Variants in POLR3A observed in about 807,000 individuals in gnomAD.
POLR3A encodes the protein RNA polymerase III subunit A, also known as DNA-directed RNA polymerase III subunit RPC1.
POLR3A carries 112 observed loss-of-function variants against 152.8 expected under a neutral mutation model. The ratio of observed to expected loss-of-function variants is 0.73; its 90% confidence interval spans 0.63 to 0.86. The LOEUF (loss-of-function observed/expected upper bound fraction) is 0.86. POLR3A is among the 40% of genes least tolerant of loss of function. The pLI is 0.00. For synonymous variants in POLR3A, 615 were observed against 652.1 expected, an observed-to-expected ratio of 0.94 and a Z score of 0.87; for missense variants, 1,385 against 1,743.1, an observed-to-expected ratio of 0.79 and a Z score of 3.66.
At position 78,021,648 on chromosome 10, in the gene POLR3A, C is replaced by T. The variant is rs747187384; in HGVS notation, c.1083G>A (p.Val361=). The change falls in exon 8 of 31, where the codon GTG becomes GTA. Residue 361 remains valine (V), a synonymous_variant. Transcript: ENST00000372371. ...RFRGNLSGKR[V]DFSGRTVISP... is the part of the protein sequence containing the mutation. ...AGATGACTGTTCTGCCAGAAAAATCCACTCTCTTTCCTGAGAGATTTCCTC... is the reference window on the plus strand; with the variant it reads ...AGATGACTGTTCTGCCAGAAAAATCTACTCTCTTTCCTGAGAGATTTCCTC... 1 of 1,614,034 alleles carries T rather than the reference C, an allele frequency of 6.2e-7. No individual in the cohort carries two copies. Among genetic ancestry groups the T allele is most frequent in the Non-Finnish European group, 8.5e-7 (1 of 1,179,966 alleles).
chr10:78,010,414 C>G, intron 12 of POLR3A, 57 bp downstream of exon 12: 9 of 1,261,814 alleles, frequency 7.1e-6, no homozygotes, highest in Non-Finnish European at 9.3e-6. Context: ...TCACTATGAA[C>G]GAGGAACACT....
chr10:77,998,203 G>A (rs1187138022), intron 19 of POLR3A, among the ~76,000 whole-genome samples: 1 of 152,160 alleles, frequency 6.6e-6, no homozygotes, highest in African/African-American at 2.4e-5. Context: ...AAAAACCATA[G>A]AAGAAAACCT....
chr10:77,978,668 T>C (rs1423200615), intron 30 of POLR3A, among the ~76,000 whole-genome samples: 4 of 151,180 alleles, frequency 2.6e-5, no homozygotes, highest in Non-Finnish European at 5.9e-5. Flanking sequence ...TAGTTTTTTT[T>C]TTTTTTTTTT....
chr10:78,020,490 T>C (rs893672939), intron 8 of POLR3A, among the ~76,000 whole-genome samples: 2 of 142,106 alleles, frequency 1.4e-5, no homozygotes, highest in African/African-American at 5.3e-5. Flanking sequence ...AGTCTGTCTC[T>C]TAAAAAAAAA....
chr10:77,995,542 C>T (rs1357663821), intron 19 of POLR3A, among the ~76,000 whole-genome samples: 1 of 151,926 alleles, frequency 6.6e-6, no homozygotes, highest in African/African-American at 2.4e-5. Context: ...TTTAAACCAA[C>T]AAAGATCAAA....
intron 19 of POLR3A, among the ~76,000 whole-genome samples, chr10:77,994,825 T>C (rs1218477097): frequency 6.6e-6 from 1 of 151,936 alleles, no homozygotes; most frequent in African/African-American, 2.4e-5. Flanking sequence ...ACAAAGATAC[T>C]CCTCGAGAAG....
Position 78,002,226 on chromosome 10 carries a change from GGGCTGTT to G in POLR3A, c.2323_2329del (p.Asn775ProfsTer19), listed in dbSNP as rs1847364209. ...GGAGCCGCACAGAGCCATGGTGAGG[GGGCTGTT>G]GCTCTTGTCCAGCTCCCGGAGGCAG... On this transcript the variant is annotated frameshift_variant, in exon 17 of 31. Coordinates refer to ENST00000372371, the MANE Select transcript of POLR3A (RefSeq NM_007055.4). LOFTEE classifies it high-confidence loss of function. The G allele has an allele frequency of 4.4e-6, 7 of 1,597,842 alleles. No homozygotes were observed. The highest frequency in any genetic ancestry group is 6.0e-6 in the Non-Finnish European group (7 of 1,172,846).
rs1404091496 is a variant in POLR3A, at chr10:77,977,579, C to T, written c.4072G>A (p.Gly1358Arg). Residue 1358 changes from glycine to arginine, a missense_variant, in exon 31 of 31, where the codon GGG becomes AGG. By Grantham distance (125) the Gly-to-Arg change is moderately radical. Transcript: ENST00000372371. ...GCCTTGTGAAGCAGCTTGAAGAGCC[C>T]GGTTCCAATGTTCATTGGGATTCCC... Reference protein sequence around the residue: ...IMGIPMNIGTGLFKLLHKADR... With the variant: ...IMGIPMNIGTRLFKLLHKADR... 5 of 1,613,742 alleles carry T rather than the reference C, an allele frequency of 3.1e-6. No homozygotes were observed. Among genetic ancestry groups the T allele is most frequent in the South Asian group, 2.2e-5 (2 of 91,078 alleles).
intron 14 of POLR3A, 147 bp downstream of exon 14, chr10:78,009,390 C>T: frequency 9.6e-7 from 1 of 1,041,264 alleles, no homozygotes; most frequent in Non-Finnish European, 1.5e-6. Flanking sequence ...AAACCAGCTA[C>T]ATTTTCCTGA....
intron 1 of POLR3A, among the ~76,000 whole-genome samples, chr10:78,026,556 T>C (rs1428705470): frequency 6.6e-6 from 1 of 152,206 alleles, no homozygotes; most frequent in East Asian, 1.9e-4. Context: ...AGTGCTTTTC[T>C]CTCGGCTTTG....
chr10:78,029,242 A>T, intron 1 of POLR3A, 122 bp downstream of exon 1: 1 of 985,034 alleles, frequency 1.0e-6, no homozygotes, highest in Non-Finnish European at 1.6e-6. Context: ...GGTCACACCT[A>T]TGGACTACTG....
chr10:77,989,501 G>A (rs868285155), intron 21 of POLR3A, among the ~76,000 whole-genome samples: 15 of 152,244 alleles, frequency 9.9e-5, no homozygotes, highest in Non-Finnish European at 1.5e-4. Flanking sequence ...CCCAGGATCT[G>A]TGGACTGTGT....
intron 15 of POLR3A, among the ~76,000 whole-genome samples, chr10:78,005,468 C>T (rs112877119): frequency 3.4e-3 from 517 of 152,308 alleles, no homozygotes; most frequent in Non-Finnish European, 6.2e-3. Context: ...AAAGTATTCT[C>T]CAACTTTGAT....
At chr10:77,991,470 TA>T (rs1241336086) in intron 20 of POLR3A, among the ~76,000 whole-genome samples, 1 of 152,186 alleles carries the variant, frequency 6.6e-6, no homozygotes, top group Non-Finnish European at 1.5e-5. Flanking sequence ...AGCTGTTATT[TA>T]AAAAACTCAA....
chr10:78,010,542 T>A lies in POLR3A; in HGVS notation c.1573-2A>T, dbSNP rs1194057677. ...CGGGGTTACAAGATTTGCTTTAGTCTGTAGGAAAAGTAAGCGCAGTCAGTT... is the reference window on the plus strand; with the variant it reads ...CGGGGTTACAAGATTTGCTTTAGTCAGTAGGAAAAGTAAGCGCAGTCAGTT... On this transcript the variant is annotated splice_acceptor_variant, in intron 11 of 30. Coordinates refer to ENST00000372371, the MANE Select transcript of POLR3A (RefSeq NM_007055.4). LOFTEE classifies it high-confidence loss of function. The A allele has an allele frequency of 4.3e-6, 7 of 1,613,212 alleles. No homozygotes were observed. The highest frequency in any genetic ancestry group is 5.9e-6 in the Non-Finnish European group (7 of 1,179,114).
At position 77,976,021 on chromosome 10, in the gene POLR3A, C is replaced by T. The variant is rs562775653; in HGVS notation, c.*1457G>A. 14 of 152,188 alleles carry T rather than the reference C, an allele frequency of 9.2e-5. No individual in the cohort carries two copies. In the East Asian group the frequency reaches 2.5e-3, roughly 27 times the overall value. 9.4% of individuals were successfully genotyped at this position (152,188 alleles called of 1,614,324 possible). On this transcript the variant is annotated 3_prime_UTR_variant, in exon 31 of 31. Coordinates refer to ENST00000372371, the MANE Select transcript of POLR3A (RefSeq NM_007055.4). ...TAAGAAAAATGGCATTTTTTTTCCA[C>T]ATCACTGATACCCCAAGAGAAGTTA...
Position 78,021,889 on chromosome 10 carries a change from C to A in POLR3A, c.1019G>T (p.Gly340Val). ...LNMAPKKWTR[G>V]FVQRLKGKQG... ...TTTTCCCTTCAGGCGTTGGACGAAG[C>A]CTCTGGTCCACTTCTTGGGTGCCAT... The change falls in exon 7 of 31, where the codon GGC (glycine) becomes GTC (valine). Residue 340 changes from glycine (G) to valine (V), a missense_variant. Gly to Val is a moderately radical substitution (Grantham distance 109). Coordinates refer to ENST00000372371, the MANE Select transcript of POLR3A (RefSeq NM_007055.4). The A allele has an allele frequency of 6.2e-7, 1 of 1,614,064 alleles. No individual in the cohort carries two copies. Among genetic ancestry groups the A allele is most frequent in the Non-Finnish European group, 8.5e-7 (1 of 1,180,034 alleles).
intron 30 of POLR3A, among the ~76,000 whole-genome samples, chr10:77,978,218 C>T (rs141215349): frequency 9.0e-4 from 137 of 152,278 alleles, no homozygotes; most frequent in Non-Finnish European, 1.3e-3. Flanking sequence ...GGGGGTGGTG[C>T]AGATTCTTTC....
chr10:78,022,967 G>A (rs1210817540), intron 5 of POLR3A, among the ~76,000 whole-genome samples: 2 of 152,172 alleles, frequency 1.3e-5, no homozygotes, highest in African/African-American at 2.4e-5. Flanking sequence ...AGACCAGCCT[G>A]ACAAACATGG....
Sources: gnomAD v4.1 joint callset for allele counts (sites outside exome capture counted in the v4.1 genomes callset) on GRCh38, gnomAD v4.1.1 for gene constraint, MANE v1.5 for transcripts, NCBI Gene and HGNC (gene_info 2026-07-23, HGNC 2026-07-21) for gene names.